TRPC1: variants seen among roughly 807,000 people sequenced by gnomAD.
TRPC1 encodes the protein short transient receptor potential channel 1.
A neutral mutation model predicts 88.2 loss-of-function variants in TRPC1; 42 were observed. That is an observed-to-expected ratio of 0.48 (90% CI 0.37 to 0.62). The LOEUF is 0.62. Among genes scored for constraint, TRPC1 ranks in the 20% least tolerant of loss-of-function variants. The pLI is 0.00. For missense variants in TRPC1, 699 were observed against 957.3 expected, an observed-to-expected ratio of 0.73 and a Z score of 3.56; for synonymous variants, 288 against 331.8, an observed-to-expected ratio of 0.87 and a Z score of 1.43.
chr3:142,728,610 C>T (rs868460134), intron 1 of TRPC1, among the ~76,000 whole-genome samples: 6 of 152,116 alleles, frequency 3.9e-5, no homozygotes, highest in African/African-American at 7.2e-5. Context: ...CGTGGGCCAC[C>T]GTGCCTGGCC....
intron 4 of TRPC1, among the ~76,000 whole-genome samples, chr3:142,771,396 G>A (rs1191734650): frequency 1.3e-5 from 2 of 151,934 alleles, no homozygotes; most frequent in African/African-American, 2.4e-5. Flanking sequence ...GGCTGGTCTC[G>A]AACTCCTGGA....
At chr3:142,733,970 T>C (rs1173552523) in intron 1 of TRPC1, among the ~76,000 whole-genome samples, 5 of 152,280 alleles carry the variant, frequency 3.3e-5, no homozygotes, top group Admixed American at 6.5e-5. Context: ...GCCTGGAGAC[T>C]GTACAAAGTG....
intron 4 of TRPC1, among the ~76,000 whole-genome samples, chr3:142,761,949 A>T: frequency 6.7e-6 from 1 of 150,348 alleles, no homozygotes; most frequent in Admixed American, 6.6e-5. Flanking sequence ...TTTTATTTGG[A>T]TCTCTCTTTC....
intron 3 of TRPC1, among the ~76,000 whole-genome samples, chr3:142,746,553 G>A (rs1172098752): frequency 6.6e-6 from 1 of 152,068 alleles, no homozygotes; most frequent in African/African-American, 2.4e-5. Context: ...CATAAAAGAG[G>A]AGGAAAATCA....
At chr3:142,745,773 A>T (rs940345349) in intron 3 of TRPC1, among the ~76,000 whole-genome samples, 1 of 151,922 alleles carries the variant, frequency 6.6e-6, no homozygotes, top group Non-Finnish European at 1.5e-5. Context: ...TTTTTTTGAG[A>T]CTTAGTTTCG....
At chr3:142,754,667 A>G (rs912718824) in intron 4 of TRPC1, among the ~76,000 whole-genome samples, 4 of 152,202 alleles carry the variant, frequency 2.6e-5, no homozygotes, top group African/African-American at 4.8e-5. Flanking sequence ...ATTATTACCA[A>G]CATCACCCCT....
chr3:142,796,793 TA>T (rs1331313451), intron 9 of TRPC1, among the ~76,000 whole-genome samples: 1 of 152,130 alleles, frequency 6.6e-6, no homozygotes, highest in African/African-American at 2.4e-5. Context: ...GAGAGGGTTC[TA>T]ACTGAATCTG....
intron 4 of TRPC1, among the ~76,000 whole-genome samples, chr3:142,766,002 C>G (rs1387371319): frequency 6.6e-6 from 1 of 151,804 alleles, no homozygotes; most frequent in African/African-American, 2.4e-5. Context: ...CAATGAGATG[C>G]CATCTCATAC....
At chr3:142,778,431 A>G (rs1236111187) in intron 5 of TRPC1, among the ~76,000 whole-genome samples, 1 of 151,998 alleles carries the variant, frequency 6.6e-6, no homozygotes, top group Admixed American at 6.6e-5. Flanking sequence ...AAAAAAAAAG[A>G]CTTTGTAATA....
chr3:142,787,170 A>G (rs1274168761), intron 7 of TRPC1, among the ~76,000 whole-genome samples: 1 of 152,242 alleles, frequency 6.6e-6, no homozygotes, highest in Non-Finnish European at 1.5e-5. Flanking sequence ...TCCTGGAAGT[A>G]TCTTCCTTTC....
intron 1 of TRPC1, among the ~76,000 whole-genome samples, chr3:142,731,163 T>C (rs967531992): frequency 6.6e-6 from 1 of 152,104 alleles, no homozygotes; most frequent in Non-Finnish European, 1.5e-5. Flanking sequence ...ACTAAATTGA[T>C]TTTATGACTG....
intron 8 of TRPC1, 28 bp downstream of exon 8, chr3:142,791,186 C>A: frequency 1.9e-6 from 3 of 1,570,074 alleles, no homozygotes; most frequent in South Asian, 1.2e-5. Context: ...CAATTGAAGG[C>A]ACAAATTAAG....
intron 4 of TRPC1, among the ~76,000 whole-genome samples, chr3:142,769,101 T>C (rs1160160802): frequency 1.3e-5 from 2 of 152,180 alleles, no homozygotes; most frequent in Admixed American, 6.5e-5. Context: ...TGTTAGTATT[T>C]ATCTGGGAAA....
chr3:142,733,484 A>G (rs1385597988), intron 1 of TRPC1, among the ~76,000 whole-genome samples: 1 of 152,212 alleles, frequency 6.6e-6, no homozygotes, highest in Non-Finnish European at 1.5e-5. Flanking sequence ...GTACTCCTCC[A>G]GCCTGGGTGA....
rs1936639852 is a variant in TRPC1, at chr3:142,802,193, G to A, written c.1606G>A (p.Asp536Asn). Residue 536 changes from aspartate (D) to asparagine (N), a missense_variant, in exon 10 of 13, where the codon GAT becomes AAT. Coordinates refer to ENST00000476941, the MANE Select transcript of TRPC1 (RefSeq NM_001251845.2). ...LQISMGQMLQDFGKFLGMFLL... is the reference protein window; with the variant it reads ...LQISMGQMLQNFGKFLGMFLL... ...GATTTCAATGGGACAGATGTTACAA[G>A]ATTTTGGAAAATTTCTTGGGATGTT... 6.3e-7 allele frequency: 1 copy of A among 1,585,850 alleles called. No individual in the cohort carries two copies. The highest frequency in any genetic ancestry group is 8.6e-7 in the Non-Finnish European group (1 of 1,169,230).
rs1156802316 is a variant in TRPC1, at chr3:142,792,621, G to A, written c.1438-203G>A. ...TTCTGGAAAAACCTCTTCATATAGA[G>A]TGATAATGCCTCACATACATAATAA... On this transcript the variant is annotated intron_variant, in intron 8 of 12. Coordinates refer to ENST00000476941, the MANE Select transcript of TRPC1 (RefSeq NM_001251845.2). This position sits in a 1 kb window ranked among gnomAD's most constrained non-coding sequence, Gnocchi z 4.0. Among the ~76,000 whole-genome samples the A allele has an allele frequency of 2.6e-5, 4 of 151,712 alleles. No individual in the cohort carries two copies. The highest frequency in any genetic ancestry group is 2.6e-4 in the Admixed American group (4 of 15,222).
intron 4 of TRPC1, among the ~76,000 whole-genome samples, chr3:142,774,402 T>G (rs1935684994): frequency 6.6e-6 from 1 of 152,232 alleles, no homozygotes; most frequent in African/African-American, 2.4e-5. Context: ...AACCTCAGTC[T>G]TGCAAAACTG....
intron 4 of TRPC1, among the ~76,000 whole-genome samples, chr3:142,756,361 C>G (rs201917965): frequency 7.3e-6 from 1 of 136,586 alleles, no homozygotes; most frequent in African/African-American, 2.7e-5. Context: ...TATGATGGTT[C>G]TTTTTTTTTT....
chr3:142,739,642 G>A (rs1331249007), intron 2 of TRPC1, among the ~76,000 whole-genome samples: 2 of 152,138 alleles, frequency 1.3e-5, no homozygotes, highest in African/African-American at 4.8e-5. Context: ...TTATATAATA[G>A]TTAGGGGATA....
Sources: allele counts gnomAD v4.1 joint callset (sites outside exome capture counted in the v4.1 genomes callset), GRCh38; gene constraint gnomAD v4.1.1; non-coding constraint Gnocchi (gnomAD v3.1); transcripts MANE v1.5; gene names NCBI Gene and HGNC (gene_info 2026-07-23, HGNC 2026-07-21).